Variants in ZNF516 observed in about 807,000 individuals in gnomAD.
The protein encoded by ZNF516 is zinc finger protein 516.
A neutral mutation model predicts 79.7 loss-of-function variants in ZNF516; 19 were observed. The observed-to-expected ratio is 0.24, with a 90% CI of 0.17 to 0.35. The LOEUF is 0.35. ZNF516 is among the 10% of genes least tolerant of loss of function. The pLI is 1.00. For missense variants in ZNF516, 1,678 were observed against 1,679.5 expected (o/e 1.00, Z 0.02); for synonymous variants, 877 against 739.5 (o/e 1.19, Z -3.02).
Position 76,379,500 on chromosome 18 carries a change from C to T in ZNF516, c.2614G>A (p.Gly872Arg), listed in dbSNP as rs755356495. The change falls in exon 4 of 7, where the codon GGA (glycine) becomes AGA (arginine). Residue 872 changes from glycine to arginine, a missense_variant. Gly to Arg is a moderately radical substitution (Grantham distance 125). This residue lies in a region of ZNF516 where 1,294 missense variants were observed against 1,248.3 expected (regional missense o/e 1.04). Transcript: ENST00000443185. ...SMPKNKESHS[G>R]GPCALWAPGP... ...GGCGCCCACAGAGCGCAGGGACCTC[C>T]GGAATGGCTCTCCTTATTCTTAGGC... is the stretch of plus-strand genomic sequence containing the variant. The T allele has an allele frequency of 1.7e-5, 27 of 1,613,630 alleles. No homozygotes were observed. The highest frequency in any genetic ancestry group is 4.4e-5 in the South Asian group (4 of 91,088).
intron 2 of ZNF516, among the ~76,000 whole-genome samples, chr18:76,455,273 C>T (rs1912652434): frequency 6.6e-6 from 1 of 152,214 alleles, no homozygotes; most frequent in Admixed American, 6.5e-5. Flanking sequence ...CACGGGTTTA[C>T]GCAGTGGAAG....
chr18:76,382,335 G>A (rs1464096188), intron 3 of ZNF516, among the ~76,000 whole-genome samples: 1 of 152,166 alleles, frequency 6.6e-6, no homozygotes, highest in Non-Finnish European at 1.5e-5. Flanking sequence ...ATGGTGCTCA[G>A]TACGTTCGAC....
chr18:76,423,892 A>G (rs2075549232), intron 3 of ZNF516, among the ~76,000 whole-genome samples: 1 of 111,622 alleles, frequency 9.0e-6, no homozygotes. Context: ...GTTCCCCCGA[A>G]ACACACGCAG....
At chr18:76,368,412 G>C (rs1016908491) in intron 6 of ZNF516, among the ~76,000 whole-genome samples, 2 of 151,876 alleles carry the variant, frequency 1.3e-5, no homozygotes, top group African/African-American at 4.8e-5. Flanking sequence ...GAGGCCATGA[G>C]CTCAGATATG....
At chr18:76,471,551 G>A (rs1045911838) in intron 1 of ZNF516, among the ~76,000 whole-genome samples, 1 of 152,200 alleles carries the variant, frequency 6.6e-6, no homozygotes, top group African/African-American at 2.4e-5. Context: ...GACCTGCGGT[G>A]GGCCCATGTG....
chr18:76,370,758 T>C lies in ZNF516; in HGVS notation c.3365-163A>G, dbSNP rs368600492. On this transcript the variant is annotated intron_variant, in intron 5 of 6. Coordinates refer to ENST00000443185, the MANE Select transcript of ZNF516 (RefSeq NM_014643.4). ...CCGTAACACTTACAGTAAGAGACTG[T>C]GATAATGGCTGCCTGGGGCCACTGC... Among the ~76,000 whole-genome samples, 869 of 152,362 alleles carry C rather than the reference T, an allele frequency of 5.7e-3. 9 individuals carry two copies. The highest frequency in any genetic ancestry group is 0.034 in the Middle Eastern group (10 of 294).
chr18:76,433,680 C>T (rs976958608), intron 3 of ZNF516, among the ~76,000 whole-genome samples: 5 of 152,130 alleles, frequency 3.3e-5, no homozygotes, highest in African/African-American at 4.8e-5. Context: ...CCTCAGCTTG[C>T]AAGGAGGAAC....
At chr18:76,456,200 T>C (rs1262843586) in intron 2 of ZNF516, among the ~76,000 whole-genome samples, 1 of 152,232 alleles carries the variant, frequency 6.6e-6, no homozygotes, top group Non-Finnish European at 1.5e-5. Flanking sequence ...GCCTGACTTC[T>C]TTGGCAGCTT....
chr18:76,400,962 G>A (rs546712113), intron 3 of ZNF516, among the ~76,000 whole-genome samples: 142 of 152,162 alleles, frequency 9.3e-4, no homozygotes, highest in African/African-American at 3.4e-3. Flanking sequence ...TTAAAATGAT[G>A]TAAACACAAT....
intron 3 of ZNF516, among the ~76,000 whole-genome samples, chr18:76,390,402 T>A (rs2075053706): frequency 6.6e-6 from 1 of 152,184 alleles, no homozygotes; most frequent in Admixed American, 6.5e-5. Context: ...ACCAGTGGCT[T>A]TAACAATACA....
At chr18:76,434,495 C>T (rs1014479191) in intron 3 of ZNF516, among the ~76,000 whole-genome samples, 1 of 152,166 alleles carries the variant, frequency 6.6e-6, no homozygotes, top group Non-Finnish European at 1.5e-5. Flanking sequence ...CTCTGGAGTC[C>T]GAGAATATCA....
chr18:76,491,448 C>T (rs1325257694), intron 1 of ZNF516, among the ~76,000 whole-genome samples: 2 of 142,506 alleles, frequency 1.4e-5, no homozygotes, highest in African/African-American at 5.0e-5. Flanking sequence ...CGCACAGACC[C>T]CCGCCTTTGT....
chr18:76,465,863 G>A (rs953335814), intron 1 of ZNF516, among the ~76,000 whole-genome samples: 1 of 152,162 alleles, frequency 6.6e-6, no homozygotes, highest in African/African-American at 2.4e-5. Context: ...AGCCATCAGG[G>A]ACCAGCAGGG....
At chr18:76,366,927 G>A (rs923943660) in intron 6 of ZNF516, among the ~76,000 whole-genome samples, 6 of 152,130 alleles carry the variant, frequency 3.9e-5, no homozygotes, top group African/African-American at 1.4e-4. Context: ...ATATTATCTG[G>A]GTCTCTCAGA....
At chr18:76,481,050 C>T (rs149088846) in intron 1 of ZNF516, among the ~76,000 whole-genome samples, 72 of 152,260 alleles carry the variant, frequency 4.7e-4, no homozygotes, top group Non-Finnish European at 9.1e-4. Flanking sequence ...CAAATACAGA[C>T]CCAGGTTTCT....
chr18:76,415,859 G>A (rs2075426854), intron 3 of ZNF516, among the ~76,000 whole-genome samples: 1 of 152,164 alleles, frequency 6.6e-6, no homozygotes, highest in Non-Finnish European at 1.5e-5. Flanking sequence ...CCTTAACAAT[G>A]TGTATCTTCG....
At position 76,379,704 on chromosome 18, in the gene ZNF516, T is replaced by C. The variant is rs572764083; in HGVS notation, c.2410A>G (p.Arg804Gly). The change falls in exon 4 of 7, where the codon AGA becomes GGA. Residue 804 changes from arginine to glycine, a missense_variant. By Grantham distance (125) the Arg-to-Gly change is moderately radical. This residue lies in a region of ZNF516 where 1,294 missense variants were observed against 1,248.3 expected (regional missense o/e 1.04). Transcript: ENST00000443185. ...WIQPNGYKSIRSNLVFLSRSG... is the reference protein window; with the variant it reads ...WIQPNGYKSIGSNLVFLSRSG... ...CGGGAAAGGAAAACCAAATTGCTTC[T>C]GATGCTTTTGTAACCATTGGGCTGA... The C allele has an allele frequency of 1.4e-5, 23 of 1,613,782 alleles. No homozygotes were observed. Among genetic ancestry groups the C allele is most frequent in the Non-Finnish European group, 1.9e-5 (23 of 1,179,892 alleles).
At chr18:76,370,170 T>C (rs1015762224) in intron 6 of ZNF516, among the ~76,000 whole-genome samples, 1 of 152,210 alleles carries the variant, frequency 6.6e-6, no homozygotes, top group African/African-American at 2.4e-5. Context: ...ATAATGTTCT[T>C]CAAGGAGGTT....
At chr18:76,492,793 T>A (rs1915310618) in intron 1 of ZNF516, 1 of 985,696 alleles carries the variant, frequency 1.0e-6, no homozygotes, top group African/African-American at 1.7e-5. Context: ...CTAAACCCCA[T>A]GCTTCACAGA....
Sources: allele counts gnomAD v4.1 joint callset (sites outside exome capture counted in the v4.1 genomes callset), GRCh38; gene constraint gnomAD v4.1.1; regional missense constraint gnomAD v4.1.1; transcripts MANE v1.5; gene names NCBI Gene and HGNC (gene_info 2026-07-23, HGNC 2026-07-21).